KHDC3L: variants seen among roughly 807,000 people sequenced by gnomAD.
KHDC3L encodes the protein KH domain containing 3 like, subcortical maternal complex member.
Under a neutral mutation model 11.4 loss-of-function variants are expected in KHDC3L, and 6 were observed. The observed-to-expected ratio is 0.52, with a 90% confidence interval of 0.29 to 1.03. The LOEUF is 1.03. Ranked by LOEUF, KHDC3L falls within the 50% of genes least tolerant of loss-of-function variation. The pLI is 0.09. For missense variants in KHDC3L, 293 were observed against 290.4 expected (o/e 1.01, Z -0.07); for synonymous variants, 127 against 120.9 (o/e 1.05, Z -0.33).
rs1768920287 is a variant in KHDC3L at position 73,364,074 on chromosome 6, G to A, written c.*214G>A. Reference sequence around the variant, plus strand: ...CGCCTCACTTAAGTCCAGGAAGCTGGGGTGGCGAGGAAGGATGATGTGGAT... The same window carrying A: ...CGCCTCACTTAAGTCCAGGAAGCTGAGGTGGCGAGGAAGGATGATGTGGAT... On this transcript the variant is annotated 3_prime_UTR_variant, in exon 3 of 3. Coordinates refer to ENST00000370367, the MANE Select transcript of KHDC3L (RefSeq NM_001017361.3). The A allele has an allele frequency of 6.5e-6, 4 of 616,998 alleles. No individual in the cohort carries two copies. The East Asian group carries it at 1.1e-4, about 17-fold the overall frequency. 38.2% of individuals were successfully genotyped at this position (616,998 alleles called of 1,614,324 possible).
At position 73,364,045 on chromosome 6, in the gene KHDC3L, C is replaced by A; in HGVS notation, c.*185C>A. Reference sequence around the variant, plus strand: ...AAGTGGAAGCCCGCCCCCCGCCTCCCCCCCGCCTCACTTAAGTCCAGGAAG... The same window carrying A: ...AAGTGGAAGCCCGCCCCCCGCCTCCACCCCGCCTCACTTAAGTCCAGGAAG... On this transcript the variant is annotated 3_prime_UTR_variant, in exon 3 of 3. Coordinates refer to ENST00000370367, the MANE Select transcript of KHDC3L (RefSeq NM_001017361.3). 1.5e-6 allele frequency: 1 copy of A among 662,838 alleles called. No individual in the cohort carries two copies. The highest frequency in any genetic ancestry group is 1.8e-5 in the South Asian group (1 of 55,444). 41.1% of individuals were successfully genotyped at this position (662,838 alleles called of 1,614,324 possible). A position where few individuals can be genotyped will look rare whatever the true frequency, so the allele number is the denominator to read the frequency against.
chr6:73,363,077 T>G lies in KHDC3L; in HGVS notation c.170-18T>G, dbSNP rs1768897034. 1.9e-6 allele frequency: 3 copies of G among 1,613,570 alleles called. No homozygotes were observed. The highest frequency in any genetic ancestry group is 2.5e-6 in the Non-Finnish European group (3 of 1,179,996). On this transcript the variant is annotated intron_variant, in intron 1 of 2. Coordinates refer to ENST00000370367, the MANE Select transcript of KHDC3L (RefSeq NM_001017361.3). ...CGGGAGCCACCGGTCCCTCACAGCC[T>G]CTCTGCTACCCGCGCAGGCCGGGGC...
Position 73,363,966 on chromosome 6 carries a change from C to T in KHDC3L, c.*106C>T. The T allele has an allele frequency of 2.4e-6, 3 of 1,244,286 alleles. No individual in the cohort carries two copies. Among genetic ancestry groups the T allele is most frequent in the East Asian group, 2.5e-5 (1 of 40,582 alleles). 77.1% of individuals were successfully genotyped at this position (1,244,286 alleles called of 1,614,324 possible). A position where few individuals can be genotyped will look rare whatever the true frequency, so the allele number is the denominator to read the frequency against. ...GAGAGGATGTGGATTTTTTGTTTTA[C>T]CCTTTCTGTTGCATGGTTGCAAACA... On this transcript the variant is annotated 3_prime_UTR_variant, in exon 3 of 3. Transcript: ENST00000370367.
rs140780424 is a variant in KHDC3L at position 73,363,356 on chromosome 6, G to A, written c.349+82G>A. 1.2e-3 allele frequency: 1,878 copies of A among 1,550,464 alleles called. 18 individuals carry two copies. The African/African-American group carries it at 0.022, about 19-fold the overall frequency. ...CTGGGGTTTCCTGGCTGCTGGGGCGGCAGTCTCGCCCTCCCAGTCGGCCTG... is the reference window on the plus strand; with the variant it reads ...CTGGGGTTTCCTGGCTGCTGGGGCGACAGTCTCGCCCTCCCAGTCGGCCTG... On this transcript the variant is annotated intron_variant, in intron 2 of 2. Coordinates refer to ENST00000370367, the MANE Select transcript of KHDC3L (RefSeq NM_001017361.3).
Position 73,363,692 on chromosome 6 carries a change from C to T in KHDC3L, c.486C>T (p.Val162=), listed in dbSNP as rs149813497. ...CCGGGACCCAGCGTTCGGTGGAAGT[C>T]CAGGAGGTCGGGACACAGGGTTCTC... ...REAGTQRSVE[V]QEVGTQGSPV... is the part of the protein sequence containing the mutation. Residue 162 remains valine, a synonymous_variant, in exon 3 of 3, where the codon GTC becomes GTT. Coordinates refer to ENST00000370367, the MANE Select transcript of KHDC3L (RefSeq NM_001017361.3). 38 of 1,612,500 alleles carry T rather than the reference C, an allele frequency of 2.4e-5. No individual in the cohort carries two copies. Among genetic ancestry groups the T allele is most frequent in the Non-Finnish European group, 3.1e-5 (37 of 1,179,770 alleles).
chr6:73,362,915 G>A lies in KHDC3L; in HGVS notation c.169+17G>A, dbSNP rs1562274542. The stretch of plus-strand genomic sequence containing the variant: ...AGATCTTCGGTGAGTGGACCAAGAA[G>A]GGGCAGCCCCCATGCGGCTTCTTTC... On this transcript the variant is annotated intron_variant, in intron 1 of 2. Transcript: ENST00000370367. The A allele has an allele frequency of 6.2e-7, 1 of 1,613,992 alleles. No homozygotes were observed. The highest frequency in any genetic ancestry group is 8.5e-7 in the Non-Finnish European group (1 of 1,180,020).
rs1768887476 is a variant in KHDC3L, at chr6:73,362,744, GCGGTTTCCGACGCTCGTGCAA to G, written c.17_37del (p.Arg6_Gln12del). On this transcript the variant is annotated inframe_deletion, in exon 1 of 3. Coordinates refer to ENST00000370367, the MANE Select transcript of KHDC3L (RefSeq NM_001017361.3). ...CCGGCCGCAGCATGGACGCTCCCAG[GCGGTTTCCGACGCTCGTGCAA>G]CTGATGCAGCCAAAAGCAATGCCAG... The G allele has an allele frequency of 6.2e-7, 1 of 1,614,086 alleles. No homozygotes were observed. The highest frequency in any genetic ancestry group is 2.2e-5 in the East Asian group (1 of 44,888).
chr6:73,363,814 C>T lies in KHDC3L; in HGVS notation c.608C>T (p.Thr203Ile). Residue 203 changes from threonine to isoleucine, a missense_variant, in exon 3 of 3, where the codon ACC (threonine) becomes ATC (isoleucine). Coordinates refer to ENST00000370367, the MANE Select transcript of KHDC3L (RefSeq NM_001017361.3). ...CCCGAAGCTGCCAGCAAGGCAGTGA[C>T]CCAGCGGTTTCGCGAGGATGCCCGG... The part of the protein sequence containing the change: ...RSPEAASKAV[T>I]QRFREDARDP... 6.2e-7 allele frequency: 1 copy of T among 1,611,858 alleles called. No homozygotes were observed. Among genetic ancestry groups the T allele is most frequent in the South Asian group, 1.1e-5 (1 of 91,008 alleles).
In KHDC3L at chr6:73,363,868, T is replaced by G. The variant is rs1768916403; in HGVS notation, c.*8T>G. 6.2e-7 allele frequency: 1 copy of G among 1,606,256 alleles called. No homozygotes were observed. Among genetic ancestry groups the G allele is most frequent in the Middle Eastern group, 1.7e-4 (1 of 6,052 alleles). On this transcript the variant is annotated 3_prime_UTR_variant, in exon 3 of 3. Transcript: ENST00000370367. ...CCAGTTACTAGATTATGAAGGCATC[T>G]CAGGCCCTGGAGCCAGAGCCAGTCA... is the stretch of plus-strand genomic sequence containing the variant.
Position 73,363,210 on chromosome 6 carries a change from C to A in KHDC3L, c.285C>A (p.Tyr95Ter). The A allele has an allele frequency of 6.2e-7, 1 of 1,614,158 alleles. No homozygotes were observed. The highest frequency in any genetic ancestry group is 8.5e-7 in the Non-Finnish European group (1 of 1,180,022). Reference sequence around the variant, plus strand: ...TCTTGGTATTTGGGAGGCCTTCTTACCAGGAGGACACAATCAAGATGATCA... The same window carrying A: ...TCTTGGTATTTGGGAGGCCTTCTTAACAGGAGGACACAATCAAGATGATCA... ...AEILVFGRPS[Y>*]QEDTIKMIMN... Residue 95 changes from tyrosine (Y) to a stop codon, truncating the protein, a stop_gained, in exon 2 of 3, where the codon TAC becomes TAA. Transcript: ENST00000370367. LOFTEE classifies it high-confidence loss of function.
Position 73,363,497 on chromosome 6 carries a change from C to T in KHDC3L, c.350-59C>T, listed in dbSNP as rs559786136. On this transcript the variant is annotated intron_variant, in intron 2 of 2. Coordinates refer to ENST00000370367, the MANE Select transcript of KHDC3L (RefSeq NM_001017361.3). ...CCCGCAGGCCGCTTGGGTGACTGTCCTTTTTTGGAGAGGATATAGAGACAC... is the reference window on the plus strand; with the variant it reads ...CCCGCAGGCCGCTTGGGTGACTGTCTTTTTTTGGAGAGGATATAGAGACAC... 7.0e-6 allele frequency: 11 copies of T among 1,569,136 alleles called. No individual in the cohort carries two copies. The East Asian group carries it at 1.8e-4, about 26-fold the overall frequency.
chr6:73,363,400 G>C (rs972565538), intron 2 of KHDC3L, 126 bp downstream of exon 2: 6 of 1,411,670 alleles, frequency 4.3e-6, no homozygotes, highest in Non-Finnish European at 5.9e-6. Flanking sequence ...GGGTGGGGGA[G>C]GGGGCGGTTC....
rs760793883 is a variant in KHDC3L, at chr6:73,363,758, G to A, written c.552G>A (p.Gln184=). Residue 184 remains glutamine (Q), a synonymous_variant, in exon 3 of 3, where the codon CAG becomes CAA. Transcript: ENST00000370367. The part of the protein sequence containing the change: ...VQEAGTQQSL[Q]AANKSGTQRS... ...AGGCCGGGACCCAGCAGTCTCTCCA[G>A]GCTGCCAACAAGTCGGGGACCCAGC... 1.2e-6 allele frequency: 2 copies of A among 1,613,698 alleles called. No individual in the cohort carries two copies. The highest frequency in any genetic ancestry group is 1.7e-4 in the Middle Eastern group (1 of 6,060).
chr6:73,363,104 G>T lies in KHDC3L; in HGVS notation c.179G>T (p.Gly60Val). Residue 60 changes from glycine (G) to valine (V), a missense_variant, in exon 2 of 3, where the codon GGA becomes GTA. Coordinates refer to ENST00000370367, the MANE Select transcript of KHDC3L (RefSeq NM_001017361.3). ...TCTGCTACCCGCGCAGGCCGGGGCGGAGAACGCATCCCGCACGTCCAGGGT... is the reference window on the plus strand; with the variant it reads ...TCTGCTACCCGCGCAGGCCGGGGCGTAGAACGCATCCCGCACGTCCAGGGT... ...WLVEKIFGRG[G>V]ERIPHVQGMS... The T allele has an allele frequency of 6.2e-7, 1 of 1,614,060 alleles. No homozygotes were observed. The highest frequency in any genetic ancestry group is 8.5e-7 in the Non-Finnish European group (1 of 1,180,040).
rs1004649367 is a variant in KHDC3L, at chr6:73,363,897, G to T, written c.*37G>T. Reference sequence around the variant, plus strand: ...GCCCTGGAGCCAGAGCCAGTCAGGGGTTAAAGTGAAAGCCCGTATTTCCGC... The same window carrying T: ...GCCCTGGAGCCAGAGCCAGTCAGGGTTTAAAGTGAAAGCCCGTATTTCCGC... On this transcript the variant is annotated 3_prime_UTR_variant, in exon 3 of 3. Transcript: ENST00000370367. 1.3e-6 allele frequency: 2 copies of T among 1,595,858 alleles called. No individual in the cohort carries two copies. The highest frequency in any genetic ancestry group is 1.7e-6 in the Non-Finnish European group (2 of 1,174,558).
At position 73,364,018 on chromosome 6, in the gene KHDC3L, C is replaced by CA; in HGVS notation, c.*161dup. 1.2e-6 allele frequency: 1 copy of CA among 802,226 alleles called. No individual in the cohort carries two copies. The highest frequency in any genetic ancestry group is 1.6e-5 in the South Asian group (1 of 63,304). 49.7% of individuals were successfully genotyped at this position (802,226 alleles called of 1,614,324 possible). ...AAACTTGAGTTCTAATAAAGAATTG[C>CA]AAAGTGGAAGCCCGCCCCCCGCCTC... On this transcript the variant is annotated 3_prime_UTR_variant, in exon 3 of 3. Transcript: ENST00000370367.
rs758177277 is a variant in KHDC3L at position 73,363,882 on chromosome 6, C to T, written c.*22C>T. 1.2e-6 allele frequency: 2 copies of T among 1,602,562 alleles called. No homozygotes were observed. The highest frequency in any genetic ancestry group is 2.2e-5 in the East Asian group (1 of 44,874). ...ATGAAGGCATCTCAGGCCCTGGAGC[C>T]AGAGCCAGTCAGGGGTTAAAGTGAA... On this transcript the variant is annotated 3_prime_UTR_variant, in exon 3 of 3. Coordinates refer to ENST00000370367, the MANE Select transcript of KHDC3L (RefSeq NM_001017361.3).
chr6:73,363,426 C>A, intron 2 of KHDC3L, 130 bp from the exon 3 acceptor site: 2 of 1,428,290 alleles, frequency 1.4e-6, no homozygotes, highest in Non-Finnish European at 1.9e-6. Context: ...GCCACGGATC[C>A]AGAAGGCCAA....
At position 73,363,665 on chromosome 6, in the gene KHDC3L, G is replaced by A. The variant is rs1352786998; in HGVS notation, c.459G>A (p.Glu153=). 6.2e-7 allele frequency: 1 copy of A among 1,612,930 alleles called. No individual in the cohort carries two copies. Among genetic ancestry groups the A allele is most frequent in the Non-Finnish European group, 8.5e-7 (1 of 1,179,848 alleles). The change falls in exon 3 of 3, where the codon GAG becomes GAA. Residue 153 remains glutamate, a synonymous_variant. Transcript: ENST00000370367. ...AGTQRSVEVR[E]AGTQRSVEVQ... is the part of the protein sequence containing the mutation. ...CGCAGCGTTCGGTGGAGGTCCGGGAGGCCGGGACCCAGCGTTCGGTGGAAG... is the reference window on the plus strand; with the variant it reads ...CGCAGCGTTCGGTGGAGGTCCGGGAAGCCGGGACCCAGCGTTCGGTGGAAG...
Sources: gnomAD v4.1 joint callset for allele counts on GRCh38, gnomAD v4.1.1 for gene constraint, MANE v1.5 for transcripts, NCBI Gene and HGNC (gene_info 2026-07-23, HGNC 2026-07-21) for gene names.